Variants in WWOX observed in about 807,000 individuals in gnomAD.
WWOX encodes the protein WW domain containing oxidoreductase.
A neutral mutation model predicts 46.2 loss-of-function variants in WWOX; 69 were observed. The observed-to-expected ratio is 1.49, with a 90% confidence interval of 1.23 to 1.82. The LOEUF (loss-of-function observed/expected upper bound fraction) is 1.82. WWOX is among the 40% of genes most tolerant of loss of function. The pLI is 0.00. For synonymous variants in WWOX, 359 were observed against 202.6 expected, an observed-to-expected ratio of 1.77 and a Z score of -6.56; for missense variants, 919 against 542.6, an observed-to-expected ratio of 1.69 and a Z score of -6.89.
intron 8 of WWOX, among the ~76,000 whole-genome samples, chr16:78,876,522 A>G: frequency 6.6e-6 from 1 of 151,178 alleles, no homozygotes; most frequent in Non-Finnish European, 1.5e-5. Context: ...TGTCTTGTGA[A>G]TGTCAAAGAA....
rs1207846457 is a variant in WWOX, at chr16:78,318,466, A to C, written c.517-68394A>C. Among the ~76,000 whole-genome samples the C allele has an allele frequency of 3.3e-5, 5 of 151,994 alleles. No individual in the cohort carries two copies. In the East Asian group the frequency reaches 9.7e-4, roughly 29 times the overall value. On this transcript the variant is annotated intron_variant, in intron 5 of 8. Coordinates refer to ENST00000566780, the MANE Select transcript of WWOX (RefSeq NM_016373.4). ...AATAATATTATTCTGTTGTTTCCTA[A>C]TTGTTGATTTGTGGTCCATATATTT...
intron 8 of WWOX, among the ~76,000 whole-genome samples, chr16:78,758,113 C>G (rs1052530895): frequency 6.6e-6 from 1 of 152,022 alleles, no homozygotes; most frequent in African/African-American, 2.4e-5. Context: ...TTCTTTAAAT[C>G]AATTCATAGA....
intron 4 of WWOX, among the ~76,000 whole-genome samples, chr16:78,163,577 T>C (rs1216031306): frequency 6.6e-6 from 1 of 152,232 alleles, no homozygotes; most frequent in African/African-American, 2.4e-5. Context: ...TTTTTGCAGA[T>C]CTTGGCCCCC....
intron 8 of WWOX, among the ~76,000 whole-genome samples, chr16:78,984,041 C>T (rs562353636): frequency 6.6e-6 from 1 of 150,484 alleles, no homozygotes; most frequent in South Asian, 2.1e-4. Flanking sequence ...CCATGCCCGG[C>T]TATTTTTTTT....
chr16:78,599,648 G>C (rs538465963), intron 8 of WWOX, among the ~76,000 whole-genome samples: 14 of 152,296 alleles, frequency 9.2e-5, no homozygotes. Context: ...ATTTGCTCCC[G>C]AGTCTCAGAG....
chr16:78,791,749 G>A (rs750513784), intron 8 of WWOX, among the ~76,000 whole-genome samples: 13 of 152,000 alleles, frequency 8.6e-5, no homozygotes, highest in Non-Finnish European at 1.5e-4. Context: ...ATTTGGTGGC[G>A]CCTGCCTATA....
chr16:78,414,901 A>G (rs551824710), intron 6 of WWOX, among the ~76,000 whole-genome samples: 1 of 152,204 alleles, frequency 6.6e-6, no homozygotes, highest in Admixed American at 6.5e-5. Context: ...ACCCCAAGAG[A>G]GAGTTGTTGG....
At chr16:78,920,070 C>A (rs541260651) in intron 8 of WWOX, among the ~76,000 whole-genome samples, 1 of 152,166 alleles carries the variant, frequency 6.6e-6, no homozygotes, top group South Asian at 2.1e-4. Flanking sequence ...ACGACCCCAC[C>A]ATGCCATAGC....
At chr16:78,487,130 A>C (rs1363421649) in intron 8 of WWOX, among the ~76,000 whole-genome samples, 2 of 152,226 alleles carry the variant, frequency 1.3e-5, no homozygotes, top group African/African-American at 2.4e-5. Flanking sequence ...CTATAACAAC[A>C]GCATGGTGAC....
chr16:78,479,440 A>T (rs1792216854), intron 8 of WWOX, among the ~76,000 whole-genome samples: 1 of 152,208 alleles, frequency 6.6e-6, no homozygotes, highest in Non-Finnish European at 1.5e-5. Flanking sequence ...TTATAACTAT[A>T]GTTTATTTGG....
rs1441247814 is a variant in WWOX, at chr16:78,169,593, G to A, written c.516+5304G>A. ...TAGAGCTCTTGAAAGACCCCAGTGG[G>A]GCTCTGAGTTCCTCCTTCTTCTGTT... is the stretch of plus-strand genomic sequence containing the variant. On this transcript the variant is annotated intron_variant, in intron 5 of 8. Transcript: ENST00000566780. 2.2e-5 allele frequency among the ~76,000 whole-genome samples: 3 copies of A among 134,344 alleles called. No individual in the cohort carries two copies. The East Asian group carries it at 6.7e-4, about 30-fold the overall frequency. The allele number at this position is 134,344 out of a possible 152,430, so 88.1% of individuals were successfully genotyped here.
intron 8 of WWOX, among the ~76,000 whole-genome samples, chr16:78,981,432 T>A (rs1035745170): frequency 7.3e-6 from 1 of 136,156 alleles, no homozygotes; most frequent in African/African-American, 2.8e-5. Context: ...GATGTTTATA[T>A]GAAGCATCAT....
intron 8 of WWOX, among the ~76,000 whole-genome samples, chr16:78,961,297 A>G (rs1022145855): frequency 9.9e-5 from 15 of 152,266 alleles, no homozygotes; most frequent in African/African-American, 4.8e-5. Flanking sequence ...TGATGATTAT[A>G]TAATTGAACA....
chr16:78,634,837 A>AGAGAGAGAGAGAGT lies in WWOX; in HGVS notation c.1056+202086_1056+202087insAGAGAGAGAGAGTG, dbSNP rs1346762709. On this transcript the variant is annotated intron_variant, in intron 8 of 8. Coordinates refer to ENST00000566780, the MANE Select transcript of WWOX (RefSeq NM_016373.4). ...GAGAGAGAGAGAGAGAGAGAGAGAG[A>AGAGAGAGAGAGAGT]GTGTGTGTGTGTGTGTGTGTGTGTG... Among the ~76,000 whole-genome samples the AGAGAGAGAGAGAGT allele has an allele frequency of 1.4e-4, 16 of 111,784 alleles. 1 individual carries two copies. Among genetic ancestry groups the AGAGAGAGAGAGAGT allele is most frequent in the South Asian group, 9.2e-4 (3 of 3,274 alleles). 73.3% of individuals were successfully genotyped at this position (111,784 alleles called of 152,430 possible). A position where few individuals can be genotyped will look rare whatever the true frequency, so the allele number is the denominator to read the frequency against.
At chr16:78,504,895 A>T (rs1877278) in intron 8 of WWOX, among the ~76,000 whole-genome samples, 1 of 151,990 alleles carries the variant, frequency 6.6e-6, no homozygotes, top group Admixed American at 6.6e-5. Flanking sequence ...TCGAAACCAA[A>T]CCCACATTAA....
At chr16:78,723,552 G>C (rs2142359897) in intron 8 of WWOX, among the ~76,000 whole-genome samples, 1 of 132,334 alleles carries the variant, frequency 7.6e-6, no homozygotes, top group East Asian at 2.4e-4. Context: ...TTGATTCCCA[G>C]CCTTCTTTTC....
chr16:78,515,097 G>A lies in WWOX; in HGVS notation c.1056+82345G>A, dbSNP rs182523141. Among the ~76,000 whole-genome samples, 16 of 152,230 alleles carry A rather than the reference G, an allele frequency of 1.1e-4. No homozygotes were observed. The East Asian group carries it at 1.4e-3, about 13-fold the overall frequency. ...AAATTAGCTGAACCTGGTGGTTCAC[G>A]CCTGTAATTGCAGCTACTCAGGAGG... On this transcript the variant is annotated intron_variant, in intron 8 of 8. Coordinates refer to ENST00000566780, the MANE Select transcript of WWOX (RefSeq NM_016373.4).
At chr16:79,143,783 G>C (rs1053299180) in intron 8 of WWOX, among the ~76,000 whole-genome samples, 1 of 152,146 alleles carries the variant, frequency 6.6e-6, no homozygotes, top group Non-Finnish European at 1.5e-5. Flanking sequence ...TGTTAAGTAA[G>C]TGACCCAAGA....
At chr16:78,396,220 A>G (rs1216972060) in intron 6 of WWOX, among the ~76,000 whole-genome samples, 1 of 152,162 alleles carries the variant, frequency 6.6e-6, no homozygotes, top group Non-Finnish European at 1.5e-5. Flanking sequence ...ATAACTTTTT[A>G]TGATGCCAAC....
Sources: gnomAD v4.1 joint callset for allele counts (sites outside exome capture counted in the v4.1 genomes callset) on GRCh38, gnomAD v4.1.1 for gene constraint, MANE v1.5 for transcripts, NCBI Gene and HGNC (gene_info 2026-07-23, HGNC 2026-07-21) for gene names.